PLEKHG1: variants seen among roughly 807,000 people sequenced by gnomAD.
PLEKHG1 encodes the protein pleckstrin homology domain-containing family G member 1.
In PLEKHG1, 44 loss-of-function variants were observed where a neutral mutation model predicts 100.8. The observed-to-expected ratio is 0.44, with a 90% confidence interval of 0.34 to 0.56. The LOEUF is 0.56. Among genes scored for constraint, PLEKHG1 ranks in the 20% least tolerant of loss-of-function variants. The pLI is 0.01. For missense variants in PLEKHG1, 1,545 were observed against 1,720.9 expected (o/e 0.90, Z 1.81); for synonymous variants, 640 against 662.5 (o/e 0.97, Z 0.52).
intron 2 of PLEKHG1, among the ~76,000 whole-genome samples, chr6:150,742,241 G>A (rs1437995654): frequency 3.9e-5 from 6 of 152,180 alleles, no homozygotes; most frequent in Non-Finnish European, 8.8e-5. Flanking sequence ...CATGGCAGAA[G>A]GCGAACAGGG....
rs79982641 is a variant in PLEKHG1, at chr6:150,693,903, C to T, written c.-98-39681C>T. ...GCAAAATGGCAAAAGATGCAAACAG[C>T]GCTTCAAGAGAATGGAAGCTGTGTC... On this transcript the variant is annotated intron_variant, in intron 3 of 3. Coordinates refer to the PLEKHG1 transcript ENST00000367326. Among the ~76,000 whole-genome samples the T allele has an allele frequency of 4.1e-3, 631 of 152,334 alleles. 12 individuals are homozygous for T. Among genetic ancestry groups the T allele is most frequent in the East Asian group, 0.041 (211 of 5,188 alleles).
At chr6:150,629,303 G>T (rs370817876) in intron 1 of PLEKHG1, among the ~76,000 whole-genome samples, 1 of 152,084 alleles carries the variant, frequency 6.6e-6, no homozygotes, top group African/African-American at 2.4e-5. Flanking sequence ...TCTACATTGC[G>T]GCAACATTTA....
intron 2 of PLEKHG1, among the ~76,000 whole-genome samples, chr6:150,744,325 C>T (rs910899388): frequency 1.3e-5 from 2 of 152,104 alleles, no homozygotes; most frequent in African/African-American, 4.8e-5. Flanking sequence ...CTGCCTGCCT[C>T]GGCCTCCCAA....
intron 3 of PLEKHG1, among the ~76,000 whole-genome samples, chr6:150,678,102 A>ATATATG (rs1582930131): frequency 7.9e-6 from 1 of 127,286 alleles, no homozygotes; most frequent in Non-Finnish European, 1.6e-5. Context: ...ATATATATAT[A>ATATATG]TGTTGTGGAA....
chr6:150,714,037 TTA>T (rs1045695116), intron 3 of PLEKHG1, among the ~76,000 whole-genome samples: 3 of 152,216 alleles, frequency 2.0e-5, no homozygotes, highest in African/African-American at 7.2e-5. Flanking sequence ...AGTACATTTT[TTA>T]GAGTGTTTCA....
At chr6:150,739,288 C>T (rs577043544) in intron 2 of PLEKHG1, among the ~76,000 whole-genome samples, 7 of 152,160 alleles carry the variant, frequency 4.6e-5, no homozygotes, top group South Asian at 4.1e-4. Flanking sequence ...TTAATTACAA[C>T]GTGATTTTAT....
intron 2 of PLEKHG1, among the ~76,000 whole-genome samples, chr6:150,768,417 C>T (rs1336270076): frequency 6.6e-6 from 1 of 152,000 alleles, no homozygotes; most frequent in Admixed American, 6.6e-5. Flanking sequence ...AGGGAGTAGA[C>T]AGAATGTATA....
chr6:150,788,947 G>A, intron 4 of PLEKHG1, among the ~76,000 whole-genome samples: 1 of 152,196 alleles, frequency 6.6e-6, no homozygotes, highest in South Asian at 2.1e-4. Context: ...CCTCAAGGAA[G>A]TGTGGATATT....
chr6:150,628,495 A>G (rs2128560296), intron 1 of PLEKHG1, among the ~76,000 whole-genome samples: 1 of 139,232 alleles, frequency 7.2e-6, no homozygotes, highest in Middle Eastern at 4.0e-3. Flanking sequence ...CAGCAAATGG[A>G]CATTTGTTTT....
intron 14 of PLEKHG1, among the ~76,000 whole-genome samples, chr6:150,830,349 G>A (rs1181017398): frequency 1.3e-5 from 2 of 152,188 alleles, no homozygotes; most frequent in Non-Finnish European, 2.9e-5. Flanking sequence ...TCAGCCAGGT[G>A]TAGTGGTTCA....
intron 1 of PLEKHG1, among the ~76,000 whole-genome samples, chr6:150,627,824 C>T (rs1405477161): frequency 6.6e-6 from 1 of 152,172 alleles, no homozygotes; most frequent in Non-Finnish European, 1.5e-5. Context: ...GCCTTGAGCA[C>T]TAGTGGAAGA....
chr6:150,830,985 G>C, exon 15 of PLEKHG1: 1 of 1,614,016 alleles, frequency 6.2e-7, no homozygotes, highest in South Asian at 1.1e-5. Flanking sequence ...ATAGGAACTA[G>C]TGACAGAACT....
intron 1 of PLEKHG1, among the ~76,000 whole-genome samples, chr6:150,613,580 G>A (rs1776939830): frequency 6.6e-6 from 1 of 152,214 alleles, no homozygotes; most frequent in Non-Finnish European, 1.5e-5. Context: ...CTGTGGGTGC[G>A]AGGGGAAGCA....
rs1272775671 is a variant in PLEKHG1, at chr6:150,683,585, A to T, written c.-99+32799A>T. The T allele has an allele frequency of 3.2e-6, 1 of 314,512 alleles. No individual in the cohort carries two copies. Among genetic ancestry groups the T allele is most frequent in the Non-Finnish European group, 6.2e-6 (1 of 161,202 alleles). 19.5% of individuals were successfully genotyped at this position (314,512 alleles called of 1,614,324 possible). A position where few individuals can be genotyped will look rare whatever the true frequency, so the allele number is the denominator to read the frequency against. ...TCCTGACCACTGCTGTTCCCACAGC[A>T]GTCACGGTCATCACTTAGCTTCCTG... On this transcript the variant is annotated intron_variant, in intron 3 of 3. Coordinates refer to the PLEKHG1 transcript ENST00000367326. The surrounding 1 kb of genome is among the most constrained non-coding windows in gnomAD (Gnocchi z 4.0).
intron 1 of PLEKHG1, among the ~76,000 whole-genome samples, chr6:150,636,073 T>G (rs2128564576): frequency 6.6e-6 from 1 of 152,286 alleles, no homozygotes; most frequent in African/African-American, 2.4e-5. Context: ...TGCAGATAAG[T>G]TAATGGCTTC....
intron 7 of PLEKHG1, among the ~76,000 whole-genome samples, chr6:150,808,371 A>G (rs1787268037): frequency 1.3e-5 from 2 of 152,116 alleles, no homozygotes; most frequent in Admixed American, 1.3e-4. Context: ...TATGTGTGGT[A>G]TGAACTTCAG....
rs574381017 is a variant in PLEKHG1, at chr6:150,732,870, G to A, written c.-98-714G>A. Among the ~76,000 whole-genome samples, 5 of 152,300 alleles carry A rather than the reference G, an allele frequency of 3.3e-5. No individual in the cohort carries two copies. In the South Asian group the frequency reaches 1.0e-3, roughly 32 times the overall value. On this transcript the variant is annotated intron_variant, in intron 1 of 15. Coordinates refer to ENST00000358517, the Ensembl canonical transcript of PLEKHG1. ...CCAAAGTGCTGGGATTTACAGGCGT[G>A]AGCCACCACGCCCAGTCTGCAGTTC...
At chr6:150,614,007 C>G (rs1331346505) in intron 1 of PLEKHG1, among the ~76,000 whole-genome samples, 1 of 152,136 alleles carries the variant, frequency 6.6e-6, no homozygotes, top group Non-Finnish European at 1.5e-5. Context: ...ACTACCACAC[C>G]TGAAATGTAT....
At chr6:150,656,768 C>T (rs1410940809) in intron 3 of PLEKHG1, among the ~76,000 whole-genome samples, 3 of 152,162 alleles carry the variant, frequency 2.0e-5, no homozygotes, top group Admixed American at 1.3e-4. Flanking sequence ...CCAGCACAAA[C>T]ACAGAAATGG....
Sources: gnomAD v4.1 joint callset for allele counts (sites outside exome capture counted in the v4.1 genomes callset) on GRCh38, gnomAD v4.1.1 for gene constraint, Gnocchi (gnomAD v3.1) non-coding constraint, MANE v1.5 for transcripts, NCBI Gene and HGNC (gene_info 2026-07-23, HGNC 2026-07-21) for gene names.